The following GREB1L variants were observed in gnomAD, a reference collection of about 807,000 sequenced individuals.
GREB1L encodes the protein GREB1 like retinoic acid receptor coactivator.
Under a neutral mutation model 200.8 loss-of-function variants are expected in GREB1L, and 17 were observed. The observed-to-expected ratio is 0.08, with a 90% CI of 0.06 to 0.13. The LOEUF (loss-of-function observed/expected upper bound fraction) is 0.13, where lower values mean the gene tolerates loss of function less well. Ranked by LOEUF, GREB1L falls within the 10% of genes least tolerant of loss-of-function variation. The pLI, the probability that GREB1L is intolerant of heterozygous loss-of-function variation, is 1.00. For missense variants in GREB1L, 1,657 were observed against 2,367.7 expected (o/e 0.70, Z 6.23); for synonymous variants, 789 against 893.0 (o/e 0.88, Z 2.08).
chr18:21,434,499 A>ATATATATATATATATATGTG (rs1392320151), intron 7 of GREB1L, among the ~76,000 whole-genome samples: 15 of 127,278 alleles, frequency 1.2e-4, no homozygotes, highest in African/African-American at 4.7e-4. Flanking sequence ...ATATATATAT[A>ATATATATATATATATATGTG]TGTGTGTGTG....
chr18:21,467,537 G>A (rs1427172972), intron 15 of GREB1L, among the ~76,000 whole-genome samples: 1 of 152,166 alleles, frequency 6.6e-6, no homozygotes, highest in Non-Finnish European at 1.5e-5. Flanking sequence ...AAACCACAAT[G>A]AGAGACTGCT....
At chr18:21,483,834 G>A (rs1225156629) in intron 17 of GREB1L, among the ~76,000 whole-genome samples, 1 of 151,816 alleles carries the variant, frequency 6.6e-6, no homozygotes, top group Non-Finnish European at 1.5e-5. Flanking sequence ...AAATTAGCTG[G>A]GTGTGGTGGT....
intron 1 of GREB1L, among the ~76,000 whole-genome samples, chr18:21,325,634 G>A (rs2039010713): frequency 6.6e-6 from 1 of 151,746 alleles, no homozygotes; most frequent in Non-Finnish European, 1.5e-5. Flanking sequence ...GGGCAACAGA[G>A]GGAGACCCCA....
chr18:21,275,864 TAC>T (rs1270346654), intron 1 of GREB1L, among the ~76,000 whole-genome samples: 3 of 152,192 alleles, frequency 2.0e-5, no homozygotes, highest in Non-Finnish European at 2.9e-5. Flanking sequence ...GCATTTGAGC[TAC>T]AGTGACGGAG....
chr18:21,247,357 A>G (rs1324334553), intron 1 of GREB1L, among the ~76,000 whole-genome samples: 1 of 152,166 alleles, frequency 6.6e-6, no homozygotes, highest in Admixed American at 6.6e-5. Context: ...CAGTCCCTAC[A>G]GTAGGGACTG....
chr18:21,397,414 A>C (rs187044517), intron 5 of GREB1L, among the ~76,000 whole-genome samples: 1 of 151,802 alleles, frequency 6.6e-6, no homozygotes, highest in Non-Finnish European at 1.5e-5. Context: ...AGTCCCAGCT[A>C]CTTGGGAGGC....
At position 21,305,195 on chromosome 18, in the gene GREB1L, C is replaced by T. The variant is rs1160084742; in HGVS notation, c.-119-60832C>T. Among the ~76,000 whole-genome samples the T allele has an allele frequency of 2.8e-4, 43 of 152,124 alleles. 1 individual carries two copies. Among genetic ancestry groups the T allele is most frequent in the African/African-American group, 8.4e-4 (35 of 41,516 alleles). ...TTCACCATGTTGGCCAGGATGGTCTCGATCTCTTGACCTCGTGATCCACCT... is the reference window on the plus strand; with the variant it reads ...TTCACCATGTTGGCCAGGATGGTCTTGATCTCTTGACCTCGTGATCCACCT... On this transcript the variant is annotated intron_variant, in intron 1 of 32. Transcript: ENST00000424526.
intron 17 of GREB1L, among the ~76,000 whole-genome samples, chr18:21,481,063 C>T (rs1303229154): frequency 2.0e-5 from 3 of 151,898 alleles, no homozygotes; most frequent in African/African-American, 4.8e-5. Flanking sequence ...AAGCAAAGTA[C>T]ATATCTAAGT....
intron 15 of GREB1L, chr18:21,468,935 T>C (rs1202091559): frequency 5.4e-6 from 2 of 371,508 alleles, no homozygotes; most frequent in Non-Finnish European, 1.1e-5. Flanking sequence ...GTGTCCTCAT[T>C]GCATCATGTC....
chr18:21,444,829 T>C (rs1039952369), intron 11 of GREB1L, among the ~76,000 whole-genome samples: 1 of 152,224 alleles, frequency 6.6e-6, no homozygotes, highest in Non-Finnish European at 1.5e-5. Context: ...AGTTTTCCAC[T>C]TAGCCTTTTT....
In GREB1L at chr18:21,364,153, T is replaced by A. The variant is rs114212571; in HGVS notation, c.-119-1874T>A. 7.3e-3 allele frequency among the ~76,000 whole-genome samples: 1,116 copies of A among 152,278 alleles called. 19 individuals are homozygous for A. Among genetic ancestry groups the A allele is most frequent in the African/African-American group, 0.025 (1,040 of 41,566 alleles). On this transcript the variant is annotated intron_variant, in intron 1 of 32. Transcript: ENST00000424526. ...AAAGTTTTGGCCACATAACTAATATTCTTATTGTTTACTAAATGCTTTTTG... is the reference window on the plus strand; with the variant it reads ...AAAGTTTTGGCCACATAACTAATATACTTATTGTTTACTAAATGCTTTTTG...
chr18:21,511,178 C>G (rs1227152419), intron 27 of GREB1L, among the ~76,000 whole-genome samples: 1 of 152,096 alleles, frequency 6.6e-6, no homozygotes, highest in Admixed American at 6.6e-5. Context: ...AGTTCAAGAT[C>G]AGCCTGACCA....
chr18:21,459,279 CTTTTTTTTTTT>C (rs746568414), intron 15 of GREB1L, among the ~76,000 whole-genome samples: 1 of 85,918 alleles, frequency 1.2e-5, no homozygotes, highest in Non-Finnish European at 2.1e-5. Context: ...TTTTTCTTTA[CTTTTTTTTTTT>C]TTTTTTTTTT....
At chr18:21,244,006 A>G (rs1249281144) in intron 1 of GREB1L, among the ~76,000 whole-genome samples, 2 of 152,200 alleles carry the variant, frequency 1.3e-5, no homozygotes, top group African/African-American at 4.8e-5. Flanking sequence ...ATAGATGATG[A>G]AAGGGATTGA....
chr18:21,329,960 T>G (rs1316567940), intron 1 of GREB1L, among the ~76,000 whole-genome samples: 2 of 98,800 alleles, frequency 2.0e-5, no homozygotes, highest in East Asian at 3.2e-4. Flanking sequence ...CCCACAATGG[T>G]TTTTTTTTTG....
At chr18:21,513,487 T>G (rs2037312037) in intron 27 of GREB1L, among the ~76,000 whole-genome samples, 1 of 152,232 alleles carries the variant, frequency 6.6e-6, no homozygotes, top group Non-Finnish European at 1.5e-5. Flanking sequence ...TAGATGTGGA[T>G]TCCTTTGTCC....
At chr18:21,283,686 A>G (rs531691566) in intron 1 of GREB1L, among the ~76,000 whole-genome samples, 1 of 152,348 alleles carries the variant, frequency 6.6e-6, no homozygotes, top group Admixed American at 6.5e-5. Context: ...AACATCCTTT[A>G]ACATGAGCAG....
chr18:21,460,229 C>CAATG (rs1373072884), intron 15 of GREB1L, among the ~76,000 whole-genome samples: 4 of 152,174 alleles, frequency 2.6e-5, no homozygotes, highest in African/African-American at 9.7e-5. Context: ...GGCTGGAGTA[C>CAATG]AATGGCATGA....
At chr18:21,443,049 G>T (rs762723694) in intron 10 of GREB1L, among the ~76,000 whole-genome samples, 1 of 151,562 alleles carries the variant, frequency 6.6e-6, no homozygotes, top group Non-Finnish European at 1.5e-5. Flanking sequence ...GATTACGAGC[G>T]TGCACCACCA....
Sources: gnomAD v4.1 joint callset for allele counts (sites outside exome capture counted in the v4.1 genomes callset) on GRCh38, gnomAD v4.1.1 for gene constraint, MANE v1.5 for transcripts, NCBI Gene and HGNC (gene_info 2026-07-23, HGNC 2026-07-21) for gene names.